TENM4: variants seen among roughly 807,000 people sequenced by gnomAD.
TENM4 encodes teneurin transmembrane protein 4, also known as teneurin-4.
Under a neutral mutation model 243.3 loss-of-function variants are expected in TENM4, and 82 were observed. The observed-to-expected ratio is 0.34, with a 90% confidence interval of 0.28 to 0.40. TENM4 has a LOEUF of 0.40. Ranked by LOEUF, TENM4 falls within the 10% of genes least tolerant of loss-of-function variation. TENM4 has a pLI of 1.00. For synonymous variants in TENM4, 1,412 were observed against 1,456.3 expected (o/e 0.97, Z 0.69); for missense variants, 3,138 against 3,673.3 (o/e 0.85, Z 3.77).
intron 3 of TENM4, among the ~76,000 whole-genome samples, chr11:79,149,559 C>A (rs201068021): frequency 2.7e-5 from 4 of 148,074 alleles, no homozygotes; most frequent in Admixed American, 1.3e-4. Flanking sequence ...TTTTAAAAAA[C>A]ATCTCATCTT....
chr11:78,764,914 G>A (rs114027137), intron 18 of TENM4, among the ~76,000 whole-genome samples: 2,817 of 152,192 alleles, frequency 0.019, 103 homozygotes, highest in African/African-American at 0.065. Flanking sequence ...GGAAGGATGG[G>A]CAAGGATAAA....
chr11:79,425,326 T>C (rs1565341515), intron 1 of TENM4, among the ~76,000 whole-genome samples: 1 of 152,116 alleles, frequency 6.6e-6, no homozygotes, highest in Non-Finnish European at 1.5e-5. Context: ...CTTGCCCTCC[T>C]CCAATGACAG....
intron 3 of TENM4, among the ~76,000 whole-genome samples, chr11:79,199,763 A>G (rs1054533451): frequency 1.3e-5 from 2 of 152,182 alleles, no homozygotes; most frequent in African/African-American, 2.4e-5. Flanking sequence ...TTTCAGGAAC[A>G]TGTCCCGGAG....
intron 9 of TENM4, among the ~76,000 whole-genome samples, chr11:78,882,252 G>C (rs138332919): frequency 7.9e-5 from 12 of 152,296 alleles, no homozygotes; most frequent in African/African-American, 2.9e-4. Flanking sequence ...ATGGGTGTTG[G>C]GGGGTGGATA....
At chr11:79,034,995 A>G (rs1299248577) in intron 6 of TENM4, among the ~76,000 whole-genome samples, 3 of 152,228 alleles carry the variant, frequency 2.0e-5, no homozygotes, top group Admixed American at 6.5e-5. Context: ...CATCCCTTGC[A>G]GAGCACATCC....
At chr11:78,873,851 T>A (rs1457286301) in intron 9 of TENM4, among the ~76,000 whole-genome samples, 2 of 152,074 alleles carry the variant, frequency 1.3e-5, no homozygotes. Flanking sequence ...CTCTGTCTCT[T>A]GAGCCTGCCT....
At chr11:79,171,787 A>G (rs568254158) in intron 3 of TENM4, among the ~76,000 whole-genome samples, 2 of 152,374 alleles carry the variant, frequency 1.3e-5, no homozygotes, top group African/African-American at 2.4e-5. Context: ...ACAAATCTTC[A>G]TTAACATAGC....
intron 4 of TENM4, among the ~76,000 whole-genome samples, chr11:79,117,218 A>G (rs1285453647): frequency 6.6e-6 from 1 of 152,188 alleles, no homozygotes; most frequent in Non-Finnish European, 1.5e-5. Flanking sequence ...CACTGTGCCC[A>G]TGTGATTTTC....
chr11:79,086,868 G>A (rs1238889589), intron 4 of TENM4, among the ~76,000 whole-genome samples: 1 of 150,890 alleles, frequency 6.6e-6, no homozygotes, highest in African/African-American at 2.4e-5. Flanking sequence ...ATATTACGAG[G>A]GTAATAAGGA....
chr11:78,873,521 T>A (rs1004508256), intron 9 of TENM4, among the ~76,000 whole-genome samples: 5 of 152,210 alleles, frequency 3.3e-5, no homozygotes, highest in African/African-American at 1.2e-4. Flanking sequence ...AGAGACCAAA[T>A]TCAGATCTGA....
intron 1 of TENM4, among the ~76,000 whole-genome samples, chr11:79,342,741 G>A (rs1857261810): frequency 6.6e-6 from 1 of 152,116 alleles, no homozygotes; most frequent in African/African-American, 2.4e-5. Context: ...AAGTCCAGGT[G>A]AGGCTGAGAA....
At position 78,657,251 on chromosome 11, in the gene TENM4, G is replaced by A. The variant is rs1221865504; in HGVS notation, c.*807C>T. 5.0e-6 allele frequency: 2 copies of A among 398,538 alleles called. No homozygotes were observed. Among genetic ancestry groups the A allele is most frequent in the African/African-American group, 4.1e-5 (2 of 48,642 alleles). 24.7% of individuals were successfully genotyped at this position (398,538 alleles called of 1,614,324 possible). A position where few individuals can be genotyped will look rare whatever the true frequency, so the allele number is the denominator to read the frequency against. On this transcript the variant is annotated 3_prime_UTR_variant, in exon 34 of 34. Coordinates refer to ENST00000278550, the MANE Select transcript of TENM4 (RefSeq NM_001098816.3). ...GCATCCTGGGTGCTTTCCCTCCCGG[G>A]AGGATGGGACTCTGAGCCCAGGATG...
chr11:78,757,237 G>A (rs186394135), intron 18 of TENM4, among the ~76,000 whole-genome samples: 2 of 152,340 alleles, frequency 1.3e-5, no homozygotes, highest in East Asian at 1.9e-4. Context: ...GACAGTAAGT[G>A]TACAGTGTCT....
At position 79,424,370 on chromosome 11, in the gene TENM4, G is replaced by A. The variant is rs550422294; in HGVS notation, c.-321+16139C>T. Among the ~76,000 whole-genome samples the A allele has an allele frequency of 6.2e-4, 94 of 152,326 alleles. 3 individuals are homozygous for A. The South Asian group carries it at 0.019, about 31-fold the overall frequency. ...AATGCCAGCACTTTGGGAAGGCTGAGATAGGAGGATCACTTAAACTCATGA... is the reference window on the plus strand; with the variant it reads ...AATGCCAGCACTTTGGGAAGGCTGAAATAGGAGGATCACTTAAACTCATGA... On this transcript the variant is annotated intron_variant, in intron 1 of 33. Coordinates refer to ENST00000278550, the MANE Select transcript of TENM4 (RefSeq NM_001098816.3).
At position 78,805,512 on chromosome 11, in the gene TENM4, G is replaced by T; in HGVS notation, c.1979-20C>A. 1 of 1,559,202 alleles carries T rather than the reference G, an allele frequency of 6.4e-7. No individual in the cohort carries two copies. On this transcript the variant is annotated intron_variant, in intron 14 of 33. Coordinates refer to ENST00000278550, the MANE Select transcript of TENM4 (RefSeq NM_001098816.3). ...AGTCCACTGTGAGATGGAGGAAGGA[G>T]AACATAGGTAAGCATCTGACCAGCA... is the stretch of plus-strand genomic sequence containing the variant.
At chr11:79,178,555 C>T (rs1382322044) in intron 3 of TENM4, among the ~76,000 whole-genome samples, 1 of 152,154 alleles carries the variant, frequency 6.6e-6, no homozygotes, top group Non-Finnish European at 1.5e-5. Flanking sequence ...AGGAAATGCT[C>T]CAGAAGGAGC....
intron 1 of TENM4, among the ~76,000 whole-genome samples, chr11:79,347,281 C>T (rs149297924): frequency 9.8e-5 from 15 of 152,310 alleles, no homozygotes; most frequent in South Asian, 2.1e-4. Flanking sequence ...GTCACCACCA[C>T]GGTGCCTTTA....
chr11:78,671,934 G>T, intron 31 of TENM4, 99 bp downstream of exon 31: 1 of 1,406,918 alleles, frequency 7.1e-7, no homozygotes, highest in Non-Finnish European at 9.6e-7. Context: ...TGGTGACATG[G>T]GTCAGATACA....
At chr11:79,422,471 T>A (rs1858955296) in intron 1 of TENM4, among the ~76,000 whole-genome samples, 1 of 152,068 alleles carries the variant, frequency 6.6e-6, no homozygotes, top group Non-Finnish European at 1.5e-5. Flanking sequence ...CACCTATGTT[T>A]AATATGGGGC....
Sources: gnomAD v4.1 joint callset for allele counts (sites outside exome capture counted in the v4.1 genomes callset) on GRCh38, gnomAD v4.1.1 for gene constraint, MANE v1.5 for transcripts, NCBI Gene and HGNC (gene_info 2026-07-23, HGNC 2026-07-21) for gene names.